Variants in ZC3H11A observed in about 807,000 individuals in gnomAD.
ZC3H11A encodes the protein zinc finger CCCH-type containing 11A, also known as zinc finger CCCH domain-containing protein 11A.
Under a neutral mutation model 90.8 loss-of-function variants are expected in ZC3H11A, and 22 were observed. That is an observed-to-expected ratio of 0.24 (90% CI 0.17 to 0.35). ZC3H11A has a LOEUF of 0.35. Among genes scored for constraint, ZC3H11A ranks in the 10% least tolerant of loss-of-function variants. The pLI is 1.00. For missense variants in ZC3H11A, 701 were observed against 964.9 expected (o/e 0.73, Z 3.62); for synonymous variants, 294 against 339.8 (o/e 0.87, Z 1.48).
Position 203,847,356 on chromosome 1 carries a change from C to T in ZC3H11A, c.1215C>T (p.Thr405=), listed in dbSNP as rs1688172202. ...GCTCCTCCACTATCCGTATCAAAAC[C>T]TTCTCTGAGGTCCTGGCTGAAAAAA... ...ARSSSTIRIK[T]FSEVLAEKKH... The change falls in exon 13 of 18, where the codon ACC becomes ACT. Residue 405 remains threonine, a synonymous_variant. Coordinates refer to ENST00000367210, the MANE Select transcript of ZC3H11A (RefSeq NM_001376342.1). 1 of 1,613,752 alleles carries T rather than the reference C, an allele frequency of 6.2e-7. No individual in the cohort carries two copies. The highest frequency in any genetic ancestry group is 1.1e-5 in the South Asian group (1 of 91,076).
intron 4 of ZC3H11A, among the ~76,000 whole-genome samples, chr1:203,820,617 A>G (rs2102856695): frequency 6.6e-6 from 1 of 152,016 alleles, no homozygotes; most frequent in Admixed American, 6.6e-5. Context: ...AGCTGGGACA[A>G]CGGGCATGCC....
At chr1:203,798,379 A>G in intron 1 of ZC3H11A, 1 of 1,534,916 alleles carries the variant, frequency 6.5e-7, no homozygotes. Context: ...GCTGTGTGTA[A>G]TATATGTAAA....
chr1:203,811,515 T>C (rs1674487340), intron 2 of ZC3H11A, among the ~76,000 whole-genome samples: 1 of 151,664 alleles, frequency 6.6e-6, no homozygotes, highest in African/African-American at 2.4e-5. Context: ...CCTTAAAAAC[T>C]TTTTTTTTCT....
intron 1 of ZC3H11A, chr1:203,798,672 C>T: frequency 6.5e-7 from 1 of 1,536,126 alleles, no homozygotes; most frequent in Non-Finnish European, 8.7e-7. Flanking sequence ...AAGTCCTATT[C>T]CCGTTGCAGA....
intron 1 of ZC3H11A, chr1:203,799,029 G>C: frequency 6.5e-7 from 1 of 1,536,138 alleles, no homozygotes; most frequent in Admixed American, 2.0e-5. Context: ...TGTACACTGG[G>C]TTTCTTTGGA....
intron 12 of ZC3H11A, among the ~76,000 whole-genome samples, chr1:203,841,840 A>G (rs1363897381): frequency 4.8e-5 from 7 of 145,322 alleles, no homozygotes; most frequent in Non-Finnish European, 9.3e-5. Flanking sequence ...CTCACTTCGC[A>G]GACGGGGCGG....
chr1:203,811,341 T>C (rs1374850982), intron 2 of ZC3H11A, among the ~76,000 whole-genome samples: 1 of 152,114 alleles, frequency 6.6e-6, no homozygotes, highest in African/African-American at 2.4e-5. Flanking sequence ...ATAAAATTAG[T>C]TGCCAAAAAA....
In ZC3H11A at chr1:203,828,449, A is replaced by T. The variant is rs764998998; in HGVS notation, c.298+27A>T. On this transcript the variant is annotated intron_variant, in intron 5 of 17. Transcript: ENST00000367210. Reference sequence around the variant, plus strand: ...TGAGATCAGTTTTTAATTTTAAAAGAATATCAAATGAACACCTATTATGCA... The same window carrying T: ...TGAGATCAGTTTTTAATTTTAAAAGTATATCAAATGAACACCTATTATGCA... The T allele has an allele frequency of 4.4e-6, 7 of 1,581,300 alleles. No homozygotes were observed. The Admixed American group carries it at 1.3e-4, about 28-fold the overall frequency.
Position 203,852,302 on chromosome 1 carries a change from A to C in ZC3H11A, c.2336A>C (p.Glu779Ala), listed in dbSNP as rs186260032. The C allele has an allele frequency of 6.2e-7, 1 of 1,613,722 alleles. No homozygotes were observed. The highest frequency in any genetic ancestry group is 8.5e-7 in the Non-Finnish European group (1 of 1,179,844). The change falls in exon 18 of 18, where the codon GAG becomes GCG. Residue 779 changes from glutamate to alanine, a missense_variant. By Grantham distance (107) the Glu-to-Ala change is moderately radical (BLOSUM62 -1). Around this residue, in one of 4 missense-constraint regions of ZC3H11A, gnomAD observed 21 missense variants for 49.1 expected, o/e 0.43. Transcript: ENST00000367210. ...GATGATTTTGAGAAACTAATATGGG[A>C]GATTTCAGGAGGCAAATTGGAAGCT... ...VEDDFEKLIWEISGGKLEAEI... is the reference protein window; with the variant it reads ...VEDDFEKLIWAISGGKLEAEI...
chr1:203,818,754 T>C lies in ZC3H11A; in HGVS notation c.174+65T>C, dbSNP rs537285818. 462 of 1,609,612 alleles carry C rather than the reference T, an allele frequency of 2.9e-4. 1 individual carries two copies. In the Admixed American group the frequency reaches 3.8e-3, roughly 13 times the overall value. ...AGACCTGGTGGGCCAATAAAAAATA[T>C]AGGGACAAAAGTGACTTTTAAAAAA... On this transcript the variant is annotated intron_variant, in intron 4 of 17. Transcript: ENST00000367210.
intron 2 of ZC3H11A, among the ~76,000 whole-genome samples, chr1:203,813,905 C>T (rs1247696541): frequency 2.0e-5 from 3 of 151,868 alleles, no homozygotes; most frequent in Non-Finnish European, 4.4e-5. Flanking sequence ...TGAATCTAGT[C>T]ACACACCTAA....
intron 17 of ZC3H11A, among the ~76,000 whole-genome samples, chr1:203,851,677 T>TGC (rs1441566806): frequency 1.3e-5 from 2 of 151,626 alleles, no homozygotes; most frequent in Non-Finnish European, 2.9e-5. Flanking sequence ...AAATGCTTGG[T>TGC]GCTGGCCAGG....
intron 11 of ZC3H11A, among the ~76,000 whole-genome samples, chr1:203,839,878 A>G (rs1685536815): frequency 6.6e-6 from 1 of 151,972 alleles, no homozygotes; most frequent in African/African-American, 2.4e-5. Flanking sequence ...ATCTCAGCTC[A>G]CCCCAACCTC....
Position 203,831,756 on chromosome 1 carries a change from C to G in ZC3H11A, c.796C>G (p.Leu266Val), listed in dbSNP as rs369543345. 8 of 1,612,110 alleles carry G rather than the reference C, an allele frequency of 5.0e-6. No homozygotes were observed. The highest frequency in any genetic ancestry group is 6.8e-6 in the Non-Finnish European group (8 of 1,179,040). The change falls in exon 9 of 18, where the codon CTC becomes GTC. Residue 266 changes from leucine (L) to valine (V), a missense_variant. Coordinates refer to ENST00000367210, the MANE Select transcript of ZC3H11A (RefSeq NM_001376342.1). ...CAGGACTGTGGTGAGGACAGTAACT[C>G]TCTCCACCAAACAAGGTAAGGTATA... ...NVRTVVRTVT[L>V]STKQGEEPLV...
At chr1:203,851,185 A>G in intron 17 of ZC3H11A, 61 bp downstream of exon 17, 2 of 1,444,690 alleles carry the variant, frequency 1.4e-6, no homozygotes, top group South Asian at 1.2e-5. Context: ...TAGGCTCTCT[A>G]GAGAATAACA....
intron 1 of ZC3H11A, chr1:203,798,518 A>G: frequency 6.5e-7 from 1 of 1,536,174 alleles, no homozygotes; most frequent in Non-Finnish European, 8.7e-7. Flanking sequence ...CAAATGGATT[A>G]GATGAAGCTG....
At chr1:203,841,092 CAGAG>C (rs538860323) in intron 12 of ZC3H11A, among the ~76,000 whole-genome samples, 5 of 151,044 alleles carry the variant, frequency 3.3e-5, no homozygotes, top group Admixed American at 3.3e-4. Flanking sequence ...AGAAAGATAA[CAGAG>C]AGCACATACC....
rs1670871577 is a variant in ZC3H11A, at chr1:203,802,640, TATATTGTTCAGCTATGGAAG to T, written c.-519_-500del. ...ATGTTTTTTTGTTTTTTTTTTAAAT[TATATTGTTCAGCTATGGAAG>T]ATGGAGTTTTTTTTCATGATCCTTT... On this transcript the variant is annotated 5_prime_UTR_variant, in exon 2 of 18. The change creates a new upstream start codon in the 5' untranslated region. Coordinates refer to ENST00000367210, the MANE Select transcript of ZC3H11A (RefSeq NM_001376342.1). The T allele has an allele frequency of 6.6e-6, 1 of 152,344 alleles. No individual in the cohort carries two copies. Among genetic ancestry groups the T allele is most frequent in the African/African-American group, 2.4e-5 (1 of 41,410 alleles). 9.4% of individuals were successfully genotyped at this position (152,344 alleles called of 1,614,324 possible).
chr1:203,804,150 G>GTTT (rs1209891980), intron 2 of ZC3H11A, among the ~76,000 whole-genome samples: 3 of 131,014 alleles, frequency 2.3e-5, no homozygotes, highest in South Asian at 2.4e-4. Flanking sequence ...TCCTGTATAT[G>GTTT]TGTTTTTTTT....
Sources: gnomAD v4.1 joint callset for allele counts (sites outside exome capture counted in the v4.1 genomes callset) on GRCh38, gnomAD v4.1.1 for gene constraint, gnomAD v4.1.1 regional missense constraint, MANE v1.5 for transcripts, NCBI Gene and HGNC (gene_info 2026-07-23, HGNC 2026-07-21) for gene names.